Variants in VPS13B observed in about 807,000 individuals in gnomAD.
VPS13B encodes the protein intermembrane lipid transfer protein VPS13B.
Under a neutral mutation model 426.4 loss-of-function variants are expected in VPS13B, and 285 were observed. The ratio of observed to expected loss-of-function variants is 0.67; its 90% CI spans 0.61 to 0.74. VPS13B has a LOEUF of 0.74. Among genes scored for constraint, VPS13B ranks in the 30% least tolerant of loss-of-function variants. The pLI is 0.00. For synonymous variants in VPS13B, 1,676 were observed against 1,676.4 expected (o/e 1.00, Z 0.01); for missense variants, 4,537 against 4,782.6 (o/e 0.95, Z 1.51).
At chr8:99,312,515 G>A (rs142518839) in intron 19 of VPS13B, among the ~76,000 whole-genome samples, 4 of 152,220 alleles carry the variant, frequency 2.6e-5, no homozygotes, top group African/African-American at 9.6e-5. Context: ...CTTCTGGCTT[G>A]TAGAATTTCT....
chr8:99,427,886 G>A (rs568798110), intron 21 of VPS13B, among the ~76,000 whole-genome samples: 145 of 152,094 alleles, frequency 9.5e-4, no homozygotes, highest in African/African-American at 2.8e-3. Flanking sequence ...ACTTCAAACG[G>A]TACTACAAGG....
chr8:99,303,140 C>T (rs1376763607), intron 19 of VPS13B, among the ~76,000 whole-genome samples: 5 of 149,120 alleles, frequency 3.4e-5, no homozygotes, highest in Admixed American at 1.4e-4. Context: ...ATTAGCTGGG[C>T]GTGGTAGAAT....
At chr8:99,622,961 TCCTTTTTGTACCCTA>T (rs1828432742) in intron 33 of VPS13B, among the ~76,000 whole-genome samples, 1 of 152,202 alleles carries the variant, frequency 6.6e-6, no homozygotes, top group Non-Finnish European at 1.5e-5. Context: ...ATAATTCATC[TCCTTTTTGTACCCTA>T]TTCTCAACAC....
chr8:99,696,406 C>T (rs1441682715), intron 35 of VPS13B: 3 of 337,806 alleles, frequency 8.9e-6, no homozygotes, highest in Non-Finnish European at 1.8e-5. Flanking sequence ...GGTGCTCATG[C>T]TGTGGCACAT....
At chr8:99,503,494 A>G (rs1333150226) in intron 27 of VPS13B, among the ~76,000 whole-genome samples, 1 of 152,214 alleles carries the variant, frequency 6.6e-6, no homozygotes, top group Non-Finnish European at 1.5e-5. Context: ...TTTTACCCAC[A>G]ACAGAACTTC....
At chr8:99,698,020 C>A in intron 35 of VPS13B, 1 of 374,910 alleles carries the variant, frequency 2.7e-6, no homozygotes, top group Admixed American at 3.2e-5. Context: ...AGAGCTAGAG[C>A]TGCTGGCCTA....
chr8:99,484,505 T>G (rs1280467478), intron 25 of VPS13B, among the ~76,000 whole-genome samples: 1 of 152,172 alleles, frequency 6.6e-6, no homozygotes, highest in Non-Finnish European at 1.5e-5. Flanking sequence ...TGCTGAGAAG[T>G]ACCTTAAAAC....
chr8:99,485,146 G>T (rs931870494), intron 25 of VPS13B, among the ~76,000 whole-genome samples: 3 of 152,092 alleles, frequency 2.0e-5, no homozygotes, highest in Non-Finnish European at 4.4e-5. Flanking sequence ...AACCCTACTA[G>T]GGTTAACTAA....
rs573910943 is a variant in VPS13B, at chr8:99,665,756, G to A, written c.6046+4265G>A. Among the ~76,000 whole-genome samples the A allele has an allele frequency of 7.0e-3, 1,072 of 152,254 alleles. 12 individuals carry two copies. The highest frequency in any genetic ancestry group is 0.024 in the African/African-American group (1,010 of 41,550). ...ATAGTTTGAAGTCAGGTAGCGTGAT[G>A]CCTCCAGCTTCGTTCTTTTGGCTTA... is the stretch of plus-strand genomic sequence containing the variant. On this transcript the variant is annotated intron_variant, in intron 35 of 61. Coordinates refer to ENST00000357162, the MANE Select transcript of VPS13B (RefSeq NM_152564.5).
chr8:99,229,685 A>G (rs1026565502), intron 17 of VPS13B, among the ~76,000 whole-genome samples: 1 of 152,148 alleles, frequency 6.6e-6, no homozygotes, highest in Non-Finnish European at 1.5e-5. Context: ...GGAGAGATAG[A>G]AGGCCACTTT....
At chr8:99,472,225 A>G (rs1415025157) in intron 24 of VPS13B, among the ~76,000 whole-genome samples, 2 of 152,110 alleles carry the variant, frequency 1.3e-5, no homozygotes, top group African/African-American at 2.4e-5. Context: ...AATTGAAGAT[A>G]TAGAAGATAT....
At chr8:99,105,553 AT>A (rs1489830176) in intron 5 of VPS13B, among the ~76,000 whole-genome samples, 1 of 151,878 alleles carries the variant, frequency 6.6e-6, no homozygotes, top group African/African-American at 2.4e-5. Context: ...TAATTTTTAT[AT>A]TTTTGGTAGA....
rs975965035 is a variant in VPS13B at position 99,507,185 on chromosome 8, A to C, written c.4206A>C (p.Gln1402His). The C allele has an allele frequency of 2.2e-5, 35 of 1,613,894 alleles. No homozygotes were observed. Among genetic ancestry groups the C allele is most frequent in the Non-Finnish European group, 2.6e-5 (31 of 1,179,928 alleles). The change falls in exon 28 of 62, where the codon CAA becomes CAC. Residue 1402 changes from glutamine (Q) to histidine (H), a missense_variant. By Grantham distance (24) the Gln-to-His change is conservative. Coordinates refer to ENST00000357162, the MANE Select transcript of VPS13B (RefSeq NM_152564.5). ...QSGHFEGVFLQCKEKSVTTTK... is the reference protein window; with the variant it reads ...QSGHFEGVFLHCKEKSVTTTK... ...GACATTTTGAAGGAGTATTTCTACAATGCAAAGAAAAATCTGTGGTGAGAC... is the reference window on the plus strand; with the variant it reads ...GACATTTTGAAGGAGTATTTCTACACTGCAAAGAAAAATCTGTGGTGAGAC...
At chr8:99,509,330 G>A (rs998111068) in intron 28 of VPS13B, among the ~76,000 whole-genome samples, 5 of 152,100 alleles carry the variant, frequency 3.3e-5, no homozygotes, top group African/African-American at 1.2e-4. Context: ...GTTGGGAACA[G>A]TGAAAAATGC....
intron 4 of VPS13B, among the ~76,000 whole-genome samples, chr8:99,101,389 C>T (rs1194981858): frequency 6.6e-6 from 1 of 152,156 alleles, no homozygotes; most frequent in Non-Finnish European, 1.5e-5. Context: ...GCCTTGGCCT[C>T]CCAAAGTGCT....
intron 42 of VPS13B, among the ~76,000 whole-genome samples, chr8:99,782,343 A>G (rs1018185649): frequency 1.3e-5 from 2 of 152,082 alleles, no homozygotes; most frequent in Admixed American, 6.6e-5. Flanking sequence ...AAAAACTGTA[A>G]AGACGTGGTT....
Position 99,853,773 on chromosome 8 carries a change from C to T in VPS13B, c.10384C>T (p.Leu3462Phe), listed in dbSNP as rs761972356. The T allele has an allele frequency of 4.0e-5, 65 of 1,614,114 alleles. No individual in the cohort carries two copies. Among genetic ancestry groups the T allele is most frequent in the Non-Finnish European group, 4.8e-5 (57 of 1,180,050 alleles). The change falls in exon 56 of 62, where the codon CTC becomes TTC. Residue 3462 changes from leucine to phenylalanine, a missense_variant. By Grantham distance (22) the Leu-to-Phe change is conservative. This residue lies in a region of VPS13B where 4,311 missense variants were observed against 4,474.3 expected (regional missense o/e 0.96). Transcript: ENST00000357162. ...EPIQCSKMQS[L>F]LISNKELEEY... ...CATTCAGTGTTCCAAAATGCAGAGT[C>T]TCCTCATATCCAACAAAGAGTTGGA...
At chr8:99,188,216 T>C (rs1813332792) in intron 16 of VPS13B, among the ~76,000 whole-genome samples, 1 of 152,120 alleles carries the variant, frequency 6.6e-6, no homozygotes, top group African/African-American at 2.4e-5. Context: ...GTTTTTACTA[T>C]ATTCACAGTT....
chr8:99,158,418 A>G (rs2132629102), intron 15 of VPS13B, among the ~76,000 whole-genome samples: 1 of 152,284 alleles, frequency 6.6e-6, no homozygotes, highest in African/African-American at 2.4e-5. Flanking sequence ...CTGTAATCTC[A>G]GCTACTCAGG....
Sources: allele counts gnomAD v4.1 joint callset (sites outside exome capture counted in the v4.1 genomes callset), GRCh38; gene constraint gnomAD v4.1.1; regional missense constraint gnomAD v4.1.1; transcripts MANE v1.5; gene names NCBI Gene and HGNC (gene_info 2026-07-23, HGNC 2026-07-21).